FBXL7: variants seen among roughly 807,000 people sequenced by gnomAD.
The protein encoded by FBXL7 is F-box and leucine rich repeat protein 7.
Under a neutral mutation model 38.3 loss-of-function variants are expected in FBXL7, and 12 were observed. That is an observed-to-expected ratio of 0.31 (90% CI 0.20 to 0.51). FBXL7 has a LOEUF of 0.51. Among genes scored for constraint, FBXL7 ranks in the 20% least tolerant of loss-of-function variants. The pLI, the probability that FBXL7 is intolerant of heterozygous loss-of-function variation, is 0.98. For synonymous variants in FBXL7, 297 were observed against 300.9 expected (o/e 0.99, Z 0.13); for missense variants, 567 against 676.4 (o/e 0.84, Z 1.79).
intron 2 of FBXL7, among the ~76,000 whole-genome samples, chr5:15,670,800 C>CA (rs879933414): frequency 2.0e-4 from 30 of 148,092 alleles, no homozygotes; most frequent in South Asian, 1.3e-3. Context: ...GACTCCCACT[C>CA]AAAAAAAATA....
Position 15,500,647 on chromosome 5 carries a change from C to T in FBXL7, c.-30C>T. 1 of 1,613,428 alleles carries T rather than the reference C, an allele frequency of 6.2e-7. No individual in the cohort carries two copies. The highest frequency in any genetic ancestry group is 8.5e-7 in the Non-Finnish European group (1 of 1,179,590). The stretch of plus-strand genomic sequence containing the variant: ...ACGTGCGCCGCAGCTATGGAGTGTC[C>T]CGGGAGACGGCGGGCATGACGGCTA... On this transcript the variant is annotated 5_prime_UTR_variant, in exon 1 of 4. Coordinates refer to ENST00000504595, the MANE Select transcript of FBXL7 (RefSeq NM_012304.5).
Position 15,671,461 on chromosome 5 carries a change from TG to T in FBXL7, c.127+55390del, listed in dbSNP as rs1177627614. ...GTTAAACAATTGGTGTTTTTTTTTT[TG>T]TTTTTTAAAAAATAAGTATCAGCTT... is the stretch of plus-strand genomic sequence containing the variant. On this transcript the variant is annotated intron_variant, in intron 2 of 3. Coordinates refer to ENST00000504595, the MANE Select transcript of FBXL7 (RefSeq NM_012304.5). Among the ~76,000 whole-genome samples, 434 of 150,308 alleles carry T rather than the reference TG, an allele frequency of 2.9e-3. 1 individual carries two copies. The highest frequency in any genetic ancestry group is 0.01 in the African/African-American group (411 of 40,830).
At chr5:15,853,899 A>G (rs1232072126) in intron 2 of FBXL7, among the ~76,000 whole-genome samples, 4 of 152,178 alleles carry the variant, frequency 2.6e-5, no homozygotes, top group African/African-American at 9.7e-5. Flanking sequence ...CACATTTATA[A>G]TAATTGGCTA....
rs772703828 is a variant in FBXL7, at chr5:15,928,960, A to G, written c.739+459A>G. 2.0e-5 allele frequency among the ~76,000 whole-genome samples: 3 copies of G among 152,200 alleles called. No homozygotes were observed. The highest frequency in any genetic ancestry group is 4.4e-5 in the Non-Finnish European group (3 of 68,038). On this transcript the variant is annotated intron_variant, in intron 3 of 3. Coordinates refer to ENST00000504595, the MANE Select transcript of FBXL7 (RefSeq NM_012304.5). This position sits in a 1 kb window ranked among gnomAD's most constrained non-coding sequence, Gnocchi z 4.0. ...CTCTCACAGTTACTTCAGAGCAACCATAGATAGTGCAAACAGGGTATCTAA... is the reference window on the plus strand; with the variant it reads ...CTCTCACAGTTACTTCAGAGCAACCGTAGATAGTGCAAACAGGGTATCTAA...
At chr5:15,771,770 AT>A (rs35138853) in intron 2 of FBXL7, among the ~76,000 whole-genome samples, 61,426 of 113,208 alleles carry the variant, frequency 0.54, 15,860 homozygotes, top group East Asian at 0.61. Context: ...GGATTAACAG[AT>A]TTTTTTTTTT....
At chr5:15,519,527 G>A (rs997929088) in intron 1 of FBXL7, among the ~76,000 whole-genome samples, 2 of 151,796 alleles carry the variant, frequency 1.3e-5, no homozygotes, top group Admixed American at 1.3e-4. Context: ...GTGGCTCAAA[G>A]AAGTTGTCAC....
At chr5:15,636,781 G>A (rs6892081) in intron 2 of FBXL7, among the ~76,000 whole-genome samples, 21,231 of 149,544 alleles carry the variant, frequency 0.14, 1,843 homozygotes, top group East Asian at 0.46. Context: ...TAGTTTGGAT[G>A]TCTTTAAACT....
chr5:15,819,785 C>G lies in FBXL7; in HGVS notation c.128-108105C>G, dbSNP rs564509410. ...TGTGGCCACCAGCCCTGTACTTCAC[C>G]GCACAAGCCCTGTCTGAGTTCTAAT... On this transcript the variant is annotated intron_variant, in intron 2 of 3. Coordinates refer to ENST00000504595, the MANE Select transcript of FBXL7 (RefSeq NM_012304.5). Among the ~76,000 whole-genome samples the G allele has an allele frequency of 2.0e-5, 3 of 152,270 alleles. No homozygotes were observed. The East Asian group carries it at 5.8e-4, about 29-fold the overall frequency.
chr5:15,878,517 A>T (rs557943410), intron 2 of FBXL7, among the ~76,000 whole-genome samples: 1 of 152,290 alleles, frequency 6.6e-6, no homozygotes, highest in South Asian at 2.1e-4. Context: ...TTATCTTCAA[A>T]CTATTTATAA....
At chr5:15,801,018 CA>C (rs1579473970) in intron 2 of FBXL7, among the ~76,000 whole-genome samples, 1 of 152,156 alleles carries the variant, frequency 6.6e-6, no homozygotes, top group Admixed American at 6.5e-5. Context: ...CAAAGTCAGG[CA>C]GGACCTGATG....
intron 1 of FBXL7, among the ~76,000 whole-genome samples, chr5:15,546,333 G>A (rs1481050075): frequency 1.3e-5 from 2 of 152,194 alleles, no homozygotes. Context: ...TTGGGAGGCT[G>A]AGGCGGGTAG....
chr5:15,691,789 A>G (rs1279454157), intron 2 of FBXL7, among the ~76,000 whole-genome samples: 1 of 152,178 alleles, frequency 6.6e-6, no homozygotes, highest in Non-Finnish European at 1.5e-5. Flanking sequence ...AGATTTCCTT[A>G]TCATTTCATC....
At chr5:15,570,226 T>C (rs926749954) in intron 1 of FBXL7, among the ~76,000 whole-genome samples, 2 of 152,148 alleles carry the variant, frequency 1.3e-5, no homozygotes, top group African/African-American at 4.8e-5. Flanking sequence ...GTCCTGGACT[T>C]TTTTTGGTTG....
At chr5:15,750,919 A>G (rs550373808) in intron 2 of FBXL7, among the ~76,000 whole-genome samples, 38 of 152,302 alleles carry the variant, frequency 2.5e-4, no homozygotes, top group African/African-American at 7.9e-4. Context: ...CACTTGGTCT[A>G]CCTTTGACAT....
chr5:15,903,777 A>G (rs992366181), intron 2 of FBXL7, among the ~76,000 whole-genome samples: 1 of 152,230 alleles, frequency 6.6e-6, no homozygotes, highest in Non-Finnish European at 1.5e-5. Context: ...AAATTAAATT[A>G]AAACAAACAG....
At chr5:15,504,683 G>T (rs191002524) in intron 1 of FBXL7, among the ~76,000 whole-genome samples, 1,813 of 152,220 alleles carry the variant, frequency 0.012, 38 homozygotes, top group African/African-American at 0.041. Flanking sequence ...GAATTTTTTT[G>T]TGTGTGTATA....
intron 1 of FBXL7, among the ~76,000 whole-genome samples, chr5:15,580,115 C>A (rs182514211): frequency 6.6e-6 from 1 of 151,924 alleles, no homozygotes; most frequent in East Asian, 1.9e-4. Context: ...AAAGTTCATG[C>A]GAGTGTAGCC....
intron 3 of FBXL7, among the ~76,000 whole-genome samples, chr5:15,929,020 G>A (rs1741969845): frequency 6.6e-6 from 1 of 152,174 alleles, no homozygotes; most frequent in African/African-American, 2.4e-5. Flanking sequence ...GCTAACTCAA[G>A]CACAGTTAGC....
intron 2 of FBXL7, among the ~76,000 whole-genome samples, chr5:15,802,884 C>T: frequency 6.6e-6 from 1 of 152,138 alleles, no homozygotes; most frequent in East Asian, 1.9e-4. Flanking sequence ...AACTCCCAAC[C>T]TCAGGTGATC....
Sources: gnomAD v4.1 joint callset for allele counts (sites outside exome capture counted in the v4.1 genomes callset) on GRCh38, gnomAD v4.1.1 for gene constraint, Gnocchi (gnomAD v3.1) non-coding constraint, MANE v1.5 for transcripts, NCBI Gene and HGNC (gene_info 2026-07-23, HGNC 2026-07-21) for gene names.